Variants in AGBL4 observed in about 807,000 individuals in gnomAD.
The protein encoded by AGBL4 is cytosolic carboxypeptidase 6.
A neutral mutation model predicts 66.4 loss-of-function variants in AGBL4; 58 were observed. That is an observed-to-expected ratio of 0.87 (90% CI 0.71 to 1.09). The LOEUF (loss-of-function observed/expected upper bound fraction) is 1.09, where lower values mean the gene tolerates loss of function less well. Among genes scored for constraint, AGBL4 ranks in the 50% least tolerant of loss-of-function variants. The pLI, the probability that AGBL4 is intolerant of heterozygous loss-of-function variation, is 0.00. For synonymous variants in AGBL4, 234 were observed against 222.9 expected (o/e 1.05, Z -0.44); for missense variants, 579 against 631.0 (o/e 0.92, Z 0.88).
At chr1:49,605,704 G>C (rs575485718) in intron 3 of AGBL4, among the ~76,000 whole-genome samples, 163 of 152,030 alleles carry the variant, frequency 1.1e-3, no homozygotes, top group African/African-American at 3.8e-3. Flanking sequence ...TTTTTTAAAA[G>C]CAGTTTAAAT....
At chr1:48,647,336 G>A (rs576745265) in intron 8 of AGBL4, among the ~76,000 whole-genome samples, 102 of 152,168 alleles carry the variant, frequency 6.7e-4, no homozygotes, top group Non-Finnish European at 1.1e-3. Flanking sequence ...GGGTAACTGC[G>A]TATTTTATGA....
intron 2 of AGBL4, among the ~76,000 whole-genome samples, chr1:49,701,669 A>T (rs554576397): frequency 6.6e-6 from 1 of 152,194 alleles, no homozygotes; most frequent in South Asian, 2.1e-4. Context: ...AGAATAGAAA[A>T]CATTACTGAA....
intron 3 of AGBL4, among the ~76,000 whole-genome samples, chr1:49,481,779 A>T (rs576590788): frequency 6.6e-6 from 1 of 151,812 alleles, no homozygotes; most frequent in East Asian, 1.9e-4. Flanking sequence ...GATGGCTCTT[A>T]CTATTTTGCG....
chr1:49,927,794 A>G (rs1319822383), intron 1 of AGBL4, among the ~76,000 whole-genome samples: 1 of 152,242 alleles, frequency 6.6e-6, no homozygotes, highest in Non-Finnish European at 1.5e-5. Context: ...GAGACACATT[A>G]AAAGTCAAAA....
chr1:49,488,407 A>G (rs937442977), intron 3 of AGBL4, among the ~76,000 whole-genome samples: 2 of 151,234 alleles, frequency 1.3e-5, no homozygotes, highest in African/African-American at 4.9e-5. Context: ...TTAATTTTTA[A>G]TTTTTGTGGA....
intron 5 of AGBL4, among the ~76,000 whole-genome samples, chr1:48,948,961 G>T (rs959744560): frequency 2.6e-5 from 4 of 152,158 alleles, no homozygotes; most frequent in Non-Finnish European, 5.9e-5. Flanking sequence ...CTCACTCTGT[G>T]TTACAGTATG....
chr1:49,362,491 C>G (rs995023755), intron 3 of AGBL4, among the ~76,000 whole-genome samples: 1 of 147,964 alleles, frequency 6.8e-6, no homozygotes, highest in Non-Finnish European at 1.5e-5. Flanking sequence ...TCTAACTACT[C>G]TCTGACTGAT....
At chr1:48,534,760 GC>G in intron 13 of AGBL4, 129 bp downstream of exon 13, 1 of 960,960 alleles carries the variant, frequency 1.0e-6, no homozygotes, top group Non-Finnish European at 1.6e-6. Context: ...AAGCCTCACT[GC>G]CTGAAAATCC....
At chr1:48,928,162 G>T (rs1654748888) in intron 5 of AGBL4, among the ~76,000 whole-genome samples, 1 of 152,146 alleles carries the variant, frequency 6.6e-6, no homozygotes, top group South Asian at 2.1e-4. Flanking sequence ...TGACAGGATG[G>T]GGAAGTCAGC....
chr1:48,883,059 T>C (rs1230688763), intron 5 of AGBL4, among the ~76,000 whole-genome samples: 1 of 152,250 alleles, frequency 6.6e-6, no homozygotes, highest in East Asian at 1.9e-4. Context: ...CTATTGTGAA[T>C]AATGCTGCAA....
At chr1:48,729,896 TGA>T (rs1647827926) in intron 6 of AGBL4, among the ~76,000 whole-genome samples, 2 of 152,322 alleles carry the variant, frequency 1.3e-5, no homozygotes, top group African/African-American at 2.4e-5. Flanking sequence ...CCATAAGGAC[TGA>T]GAGACAAGAA....
intron 10 of AGBL4, among the ~76,000 whole-genome samples, chr1:48,588,857 G>GAA (rs1644870102): frequency 6.6e-6 from 1 of 151,366 alleles, no homozygotes; most frequent in East Asian, 1.9e-4. Context: ...GAAGAGAAGA[G>GAA]AAGGGAAGAG....
intron 6 of AGBL4, among the ~76,000 whole-genome samples, chr1:48,835,437 A>G (rs1319866726): frequency 6.6e-6 from 1 of 152,086 alleles, no homozygotes; most frequent in Non-Finnish European, 1.5e-5. Context: ...GTATAATTAC[A>G]CTCTGAGATG....
At position 49,641,525 on chromosome 1, in the gene AGBL4, C is replaced by T. The variant is rs375352379; in HGVS notation, c.282+55788G>A. 3.4e-4 allele frequency among the ~76,000 whole-genome samples: 51 copies of T among 152,168 alleles called. 1 individual carries two copies. In the South Asian group the frequency reaches 9.5e-3, roughly 28 times the overall value. On this transcript the variant is annotated intron_variant, in intron 3 of 13. Transcript: ENST00000371839. ...GATGAATTTTAAATGATAAACAAGG[C>T]TAGCAAAATTATCTTATCTTGCTTC... is the stretch of plus-strand genomic sequence containing the variant.
chr1:49,542,062 T>G (rs1418538483), intron 3 of AGBL4, among the ~76,000 whole-genome samples: 1 of 152,158 alleles, frequency 6.6e-6, no homozygotes, highest in Non-Finnish European at 1.5e-5. Flanking sequence ...TGTGGGGACT[T>G]GGAGAACGTT....
At chr1:49,173,356 A>G (rs1237517999) in intron 4 of AGBL4, among the ~76,000 whole-genome samples, 1 of 152,132 alleles carries the variant, frequency 6.6e-6, no homozygotes, top group Non-Finnish European at 1.5e-5. Flanking sequence ...GGTTAATTTA[A>G]CTCCTCCAAA....
chr1:48,777,047 GA>G (rs1295020561), intron 6 of AGBL4: 3 of 159,918 alleles, frequency 1.9e-5, no homozygotes, highest in African/African-American at 8.3e-5. Flanking sequence ...GGGAGGGGGG[GA>G]AAGGGGGACG....
chr1:49,081,319 T>C (rs1232155688), intron 4 of AGBL4, among the ~76,000 whole-genome samples: 2 of 152,204 alleles, frequency 1.3e-5, no homozygotes, highest in Non-Finnish European at 2.9e-5. Context: ...AGGGATAAAG[T>C]CCCAGCTCTA....
At chr1:49,921,663 T>C (rs1168132014) in intron 1 of AGBL4, among the ~76,000 whole-genome samples, 1 of 152,072 alleles carries the variant, frequency 6.6e-6, no homozygotes, top group African/African-American at 2.4e-5. Context: ...AGAAAACCAC[T>C]AGCGTTAAGT....
Sources: gnomAD v4.1 joint callset for allele counts (sites outside exome capture counted in the v4.1 genomes callset) on GRCh38, gnomAD v4.1.1 for gene constraint, MANE v1.5 for transcripts, NCBI Gene and HGNC (gene_info 2026-07-23, HGNC 2026-07-21) for gene names.